The following DENND5A variants were observed in gnomAD, a reference collection of about 807,000 sequenced individuals.
DENND5A encodes DENN domain containing 5A.
A neutral mutation model predicts 140.3 loss-of-function variants in DENND5A; 64 were observed. The ratio of observed to expected loss-of-function variants is 0.46; its 90% CI spans 0.37 to 0.56. DENND5A has a LOEUF of 0.56. DENND5A is among the 20% of genes least tolerant of loss of function. The probability of loss-of-function intolerance (pLI) is 0.00; values close to 1 mark genes in which losing one functional copy is unlikely to be tolerated. For missense variants in DENND5A, 1,292 were observed against 1,593.8 expected, an observed-to-expected ratio of 0.81 and a Z score of 3.22; for synonymous variants, 605 against 607.7, an observed-to-expected ratio of 1.00 and a Z score of 0.07.
chr11:9,208,826 A>G (rs528560437), intron 1 of DENND5A, among the ~76,000 whole-genome samples: 77 of 151,924 alleles, frequency 5.1e-4, no homozygotes, highest in African/African-American at 1.8e-3. Flanking sequence ...AATCTTCACT[A>G]AAGACTGGCA....
At chr11:9,182,457 C>T (rs1040567881) in intron 5 of DENND5A, among the ~76,000 whole-genome samples, 2 of 152,184 alleles carry the variant, frequency 1.3e-5, no homozygotes, top group Non-Finnish European at 2.9e-5. Context: ...GGGACTTGAA[C>T]TCAGCTACCC....
intron 11 of DENND5A, among the ~76,000 whole-genome samples, chr11:9,163,914 T>C (rs918668455): frequency 2.7e-5 from 3 of 112,566 alleles, no homozygotes; most frequent in Admixed American, 8.2e-5. Context: ...CAAAATTGTA[T>C]GGAAAAAAAA....
intron 12 of DENND5A, among the ~76,000 whole-genome samples, chr11:9,156,312 GA>G (rs1192653274): frequency 6.6e-6 from 1 of 152,112 alleles, no homozygotes; most frequent in African/African-American, 2.4e-5. Context: ...CCAGGACTCA[GA>G]ACAAAATGGA....
At chr11:9,190,482 T>G (rs1289629932) in intron 5 of DENND5A, among the ~76,000 whole-genome samples, 1 of 152,168 alleles carries the variant, frequency 6.6e-6, no homozygotes, top group African/African-American at 2.4e-5. Flanking sequence ...AGGGGGAGTT[T>G]CCCTGCACAA....
At chr11:9,214,248 C>G (rs1425304763) in intron 1 of DENND5A, among the ~76,000 whole-genome samples, 1 of 152,208 alleles carries the variant, frequency 6.6e-6, no homozygotes. Context: ...GTCTTCAACT[C>G]TCTGGCTGCT....
chr11:9,172,647 A>C (rs1848409086), intron 8 of DENND5A, among the ~76,000 whole-genome samples: 1 of 152,104 alleles, frequency 6.6e-6, no homozygotes, highest in Non-Finnish European at 1.5e-5. Flanking sequence ...TGTGCTGTGA[A>C]GAGGTGCCTT....
chr11:9,172,825 T>C (rs1313274448), intron 8 of DENND5A, among the ~76,000 whole-genome samples: 1 of 152,154 alleles, frequency 6.6e-6, no homozygotes, highest in Admixed American at 6.5e-5. Context: ...TTTTTATTTT[T>C]ATTTTTTTGA....
intron 1 of DENND5A, among the ~76,000 whole-genome samples, chr11:9,240,855 A>G (rs1851206620): frequency 6.6e-6 from 1 of 152,202 alleles, no homozygotes; most frequent in South Asian, 2.1e-4. Context: ...CCATGACAGG[A>G]TCACAAAACC....
intron 4 of DENND5A, among the ~76,000 whole-genome samples, chr11:9,196,192 A>G (rs1485050602): frequency 6.6e-6 from 1 of 152,074 alleles, no homozygotes; most frequent in Non-Finnish European, 1.5e-5. Flanking sequence ...ACCTCAAATG[A>G]TCCACCCACC....
At chr11:9,198,289 G>A (rs961432955) in intron 4 of DENND5A, among the ~76,000 whole-genome samples, 4 of 151,240 alleles carry the variant, frequency 2.6e-5, no homozygotes, top group African/African-American at 9.7e-5. Context: ...TCTTTTGCAA[G>A]GTTCTTTATC....
chr11:9,189,204 G>A (rs1044790523), intron 5 of DENND5A, among the ~76,000 whole-genome samples: 5 of 152,196 alleles, frequency 3.3e-5, no homozygotes, highest in Non-Finnish European at 5.9e-5. Flanking sequence ...GCTTCCACGT[G>A]GTATTGAGCC....
intron 18 of DENND5A, 145 bp downstream of exon 18, chr11:9,144,850 A>G (rs1402172816): frequency 3.0e-6 from 2 of 656,798 alleles, no homozygotes; most frequent in Non-Finnish European, 5.5e-6. Context: ...CTTACTTTCA[A>G]GTGTATGAGG....
Position 9,232,463 on chromosome 11 carries a change from T to C in DENND5A, c.110-24831A>G, listed in dbSNP as rs183506425. On this transcript the variant is annotated intron_variant, in intron 1 of 22. Coordinates refer to ENST00000328194, the MANE Select transcript of DENND5A (RefSeq NM_015213.4). ...TCAAAAAAGACATATAAATGCCTAA[T>C]AAACTTTTGAGAGGTGCTCAACTTC... Among the ~76,000 whole-genome samples, 7 of 152,298 alleles carry C rather than the reference T, an allele frequency of 4.6e-5. No individual in the cohort carries two copies. In the East Asian group the frequency reaches 9.6e-4, roughly 21 times the overall value.
Position 9,178,886 on chromosome 11 carries a change from T to C in DENND5A, c.1643A>G (p.Asn548Ser). Reference protein sequence around the residue: ...PSQDKESWFTNREQMQNFDKA... With the variant: ...PSQDKESWFTSREQMQNFDKA... ...ATCAAAGTTTTGCATTTGCTCCCTGTTGGTAAACCAGGATTCCTTATCCTG... is the reference window on the plus strand; with the variant it reads ...ATCAAAGTTTTGCATTTGCTCCCTGCTGGTAAACCAGGATTCCTTATCCTG... Residue 548 changes from asparagine (N) to serine (S), a missense_variant, in exon 7 of 23, where the codon AAC becomes AGC. Around this residue, in one of 4 missense-constraint regions of DENND5A, gnomAD observed 29 missense variants for 64.7 expected, o/e 0.45. Coordinates refer to ENST00000328194, the MANE Select transcript of DENND5A (RefSeq NM_015213.4). 4 of 1,614,112 alleles carry C rather than the reference T, an allele frequency of 2.5e-6. No individual in the cohort carries two copies. Among genetic ancestry groups the C allele is most frequent in the Non-Finnish European group, 3.4e-6 (4 of 1,180,006 alleles).
At chr11:9,148,115 C>A (rs1164628163) in intron 15 of DENND5A, among the ~76,000 whole-genome samples, 1 of 152,108 alleles carries the variant, frequency 6.6e-6, no homozygotes, top group Non-Finnish European at 1.5e-5. Flanking sequence ...GGACTGCTCA[C>A]AATGAATAAT....
intron 1 of DENND5A, among the ~76,000 whole-genome samples, chr11:9,214,980 G>A (rs1402411250): frequency 6.6e-6 from 1 of 152,134 alleles, no homozygotes; most frequent in African/African-American, 2.4e-5. Context: ...GTCCACCTTG[G>A]CCTCCCAAAG....
intron 6 of DENND5A, among the ~76,000 whole-genome samples, chr11:9,179,730 C>T (rs1848663663): frequency 1.3e-5 from 2 of 152,144 alleles, no homozygotes; most frequent in South Asian, 4.1e-4. Flanking sequence ...AACTCCCAAC[C>T]TCTGGTGATC....
At chr11:9,254,914 T>C (rs1455145793) in intron 1 of DENND5A, among the ~76,000 whole-genome samples, 2 of 151,376 alleles carry the variant, frequency 1.3e-5, no homozygotes, top group African/African-American at 4.9e-5. Context: ...CTACTAAAAA[T>C]ACAAAAATTA....
intron 1 of DENND5A, among the ~76,000 whole-genome samples, chr11:9,231,151 T>C (rs1343650981): frequency 1.3e-5 from 2 of 152,198 alleles, no homozygotes; most frequent in African/African-American, 4.8e-5. Context: ...CTGTCATACA[T>C]GCAAGAGTTA....
Sources: allele counts gnomAD v4.1 joint callset (sites outside exome capture counted in the v4.1 genomes callset), GRCh38; gene constraint gnomAD v4.1.1; regional missense constraint gnomAD v4.1.1; transcripts MANE v1.5; gene names NCBI Gene and HGNC (gene_info 2026-07-23, HGNC 2026-07-21).